The following CDH19 variants were observed in gnomAD, a reference collection of about 807,000 sequenced individuals.
CDH19 encodes cadherin-19.
Under a neutral mutation model 64.2 loss-of-function variants are expected in CDH19, and 67 were observed. The ratio of observed to expected loss-of-function variants is 1.04; its 90% confidence interval spans 0.86 to 1.28. CDH19 has a LOEUF of 1.28. Ranked by LOEUF, CDH19 falls within the 50% of genes most tolerant of loss-of-function variation. The pLI is 0.00. For synonymous variants in CDH19, 346 were observed against 319.3 expected (o/e 1.08, Z -0.89); for missense variants, 1,030 against 929.0 (o/e 1.11, Z -1.41).
intron 10 of CDH19, among the ~76,000 whole-genome samples, chr18:66,510,770 C>G (rs149254660): frequency 4.0e-5 from 6 of 151,260 alleles, no homozygotes; most frequent in African/African-American, 1.5e-4. Flanking sequence ...GGGAATTTGA[C>G]GAGGGCAAAA....
At chr18:66,530,191 T>A (rs1189188782) in intron 8 of CDH19, among the ~76,000 whole-genome samples, 1 of 152,060 alleles carries the variant, frequency 6.6e-6, no homozygotes, top group Non-Finnish European at 1.5e-5. Context: ...ATTGAGTGCA[T>A]TGTATTTGCC....
intron 3 of CDH19, among the ~76,000 whole-genome samples, chr18:66,556,196 T>C (rs1282205417): frequency 6.6e-6 from 1 of 151,686 alleles, no homozygotes; most frequent in Non-Finnish European, 1.5e-5. Flanking sequence ...ATGTTATGCA[T>C]ATAGATAGTA....
intron 2 of CDH19, among the ~76,000 whole-genome samples, chr18:66,570,356 T>C (rs1012233890): frequency 2.6e-5 from 4 of 151,722 alleles, no homozygotes; most frequent in African/African-American, 9.7e-5. Context: ...ACCAGCCTTT[T>C]AATGTCATAA....
chr18:66,554,542 C>A lies in CDH19; in HGVS notation c.491-18G>T, dbSNP rs1395536068. The A allele has an allele frequency of 6.2e-7, 1 of 1,601,264 alleles. No homozygotes were observed. The highest frequency in any genetic ancestry group is 1.7e-5 in the Admixed American group (1 of 58,812). The stretch of plus-strand genomic sequence containing the variant: ...TAATGTTCCTAAAGAGAACATAATA[C>A]AGGAAATTAAGATTGTGGTTTTATT... On this transcript the variant is annotated intron_variant, in intron 3 of 11. Transcript: ENST00000262150.
intron 1 of CDH19, among the ~76,000 whole-genome samples, chr18:66,574,444 T>C (rs1988205543): frequency 6.6e-6 from 1 of 151,444 alleles, no homozygotes. Context: ...AGAATAATAC[T>C]ACAATGTCTG....
intron 3 of CDH19, among the ~76,000 whole-genome samples, chr18:66,556,509 G>C (rs1476422965): frequency 6.6e-6 from 1 of 151,476 alleles, no homozygotes; most frequent in Non-Finnish European, 1.5e-5. Flanking sequence ...ATATAAATAA[G>C]ATCATGCAAT....
chr18:66,534,223 T>C (rs1986569193), intron 8 of CDH19, among the ~76,000 whole-genome samples: 1 of 152,058 alleles, frequency 6.6e-6, no homozygotes, highest in Non-Finnish European at 1.5e-5. Flanking sequence ...TATTCCATTG[T>C]AACATTTGCC....
At chr18:66,580,983 C>A (rs942273647) in intron 1 of CDH19, among the ~76,000 whole-genome samples, 3 of 151,962 alleles carry the variant, frequency 2.0e-5, no homozygotes, top group African/African-American at 7.2e-5. Context: ...TGAAACCAGG[C>A]AAATAAGAAA....
At chr18:66,524,569 T>TATATATATATATATATATATATAA (rs1276593665) in intron 9 of CDH19, among the ~76,000 whole-genome samples, 177 of 135,082 alleles carry the variant, frequency 1.3e-3, no homozygotes, top group Non-Finnish European at 2.0e-3. Context: ...TATATATATA[T>TATATATATATATATATATATATAA]AAACATCATC....
At chr18:66,518,832 T>G (rs1449092372) in intron 9 of CDH19, among the ~76,000 whole-genome samples, 1 of 151,994 alleles carries the variant, frequency 6.6e-6, no homozygotes, top group African/African-American at 2.4e-5. Flanking sequence ...CTATTTTTCT[T>G]ACATTATTTC....
chr18:66,558,594 C>T (rs1987606787), intron 3 of CDH19, among the ~76,000 whole-genome samples: 1 of 151,870 alleles, frequency 6.6e-6, no homozygotes, highest in Admixed American at 6.6e-5. Context: ...AAATATTTAA[C>T]ACAATTGTAA....
chr18:66,570,789 GAAAC>G (rs755060898), intron 2 of CDH19, among the ~76,000 whole-genome samples: 11 of 151,756 alleles, frequency 7.2e-5, no homozygotes, highest in East Asian at 5.8e-4. Context: ...GTGGGGAGTA[GAAAC>G]AAACAAACTA....
In CDH19 at chr18:66,502,761, C is replaced by A. The variant is rs185217122; in HGVS notation, c.*2051G>T. On this transcript the variant is annotated 3_prime_UTR_variant, in exon 12 of 12. Transcript: ENST00000262150. ...TTTTCTCTTGTTTGGTATTTTTCCTCTTTCCTAATAATGGTATCATTGCGT... is the reference window on the plus strand; with the variant it reads ...TTTTCTCTTGTTTGGTATTTTTCCTATTTCCTAATAATGGTATCATTGCGT... 1.3e-5 allele frequency: 2 copies of A among 151,814 alleles called. No homozygotes were observed. Among genetic ancestry groups the A allele is most frequent in the African/African-American group, 4.8e-5 (2 of 41,412 alleles). 9.4% of individuals were successfully genotyped at this position (151,814 alleles called of 1,614,324 possible).
At chr18:66,571,309 C>G (rs1480201643) in intron 2 of CDH19, among the ~76,000 whole-genome samples, 1 of 151,574 alleles carries the variant, frequency 6.6e-6, no homozygotes, top group Non-Finnish European at 1.5e-5. Context: ...GTGCTTCACC[C>G]TTTGGGCCCA....
intron 8 of CDH19, among the ~76,000 whole-genome samples, chr18:66,530,390 T>G (rs187002493): frequency 6.6e-6 from 1 of 152,078 alleles, no homozygotes; most frequent in African/African-American, 2.4e-5. Context: ...GTTTCAAAAA[T>G]TACAGTTAAA....
intron 1 of CDH19, among the ~76,000 whole-genome samples, chr18:66,598,125 G>T (rs8096502): frequency 3.3e-5 from 5 of 152,094 alleles, no homozygotes; most frequent in African/African-American, 1.2e-4. Context: ...AGTCAGAATG[G>T]CTATTACTAT....
chr18:66,538,000 T>C (rs1429442672), intron 7 of CDH19, among the ~76,000 whole-genome samples: 3 of 152,078 alleles, frequency 2.0e-5, no homozygotes, highest in African/African-American at 7.2e-5. Flanking sequence ...TTTTTATTTG[T>C]AATCATTTCT....
intron 3 of CDH19, among the ~76,000 whole-genome samples, chr18:66,560,916 A>G (rs1041212100): frequency 6.6e-6 from 1 of 152,168 alleles, no homozygotes; most frequent in Non-Finnish European, 1.5e-5. Flanking sequence ...TACTGGAAAT[A>G]GGTATTTCTA....
At chr18:66,511,772 T>A in intron 9 of CDH19, 87 bp from the exon 10 acceptor site, 1 of 721,602 alleles carries the variant, frequency 1.4e-6, no homozygotes, top group Non-Finnish European at 2.5e-6. Context: ...TTTATTCACA[T>A]TGCTTTATTA....
Sources: allele counts gnomAD v4.1 joint callset (sites outside exome capture counted in the v4.1 genomes callset), GRCh38; gene constraint gnomAD v4.1.1; transcripts MANE v1.5; gene names NCBI Gene and HGNC (gene_info 2026-07-23, HGNC 2026-07-21).